Variants in PTPRU observed in about 807,000 individuals in gnomAD.
PTPRU encodes protein tyrosine phosphatase receptor type U.
A neutral mutation model predicts 166.3 loss-of-function variants in PTPRU; 69 were observed. The observed-to-expected ratio is 0.41, with a 90% CI of 0.34 to 0.51. The LOEUF (loss-of-function observed/expected upper bound fraction) is 0.51, where lower values mean the gene tolerates loss of function less well. PTPRU is among the 20% of genes least tolerant of loss of function. The probability of loss-of-function intolerance (pLI) is 0.09; values close to 1 mark genes in which losing one functional copy is unlikely to be tolerated. For synonymous variants in PTPRU, 793 were observed against 814.0 expected, an observed-to-expected ratio of 0.97 and a Z score of 0.44; for missense variants, 1,657 against 2,013.7, an observed-to-expected ratio of 0.82 and a Z score of 3.39.
At position 29,236,750 on chromosome 1, in the gene PTPRU, C is replaced by A; in HGVS notation, c.73+33C>A. ...CGCGGCGGCCGGACCGAGCCTGCCC[C>A]GCCGAGCCTCGGGGCCCGTGGCGTA... On this transcript the variant is annotated intron_variant, in intron 1 of 29. Coordinates refer to ENST00000373779, the MANE Select transcript of PTPRU (RefSeq NM_133178.4). This position sits in a 1 kb window ranked among gnomAD's most constrained non-coding sequence, Gnocchi z 4.6. 1 of 1,394,010 alleles carries A rather than the reference C, an allele frequency of 7.2e-7. No homozygotes were observed. The highest frequency in any genetic ancestry group is 9.3e-7 in the Non-Finnish European group (1 of 1,077,370). The allele number at this position is 1,394,010 out of a possible 1,614,324, so 86.4% of individuals were successfully genotyped here.
At chr1:29,290,559 C>T (rs1238901289) in intron 14 of PTPRU, among the ~76,000 whole-genome samples, 3 of 152,220 alleles carry the variant, frequency 2.0e-5, no homozygotes, top group South Asian at 2.1e-4. Context: ...GCCCAGAGGG[C>T]GCCAGGCCAG....
Position 29,315,229 on chromosome 1 carries a change from C to T in PTPRU, c.3228-143C>T. ...CCATCCAGCAGCCTGCGTCCTGGCT[C>T]CTTACTCGGGGAGGGGCAGTCATCT... On this transcript the variant is annotated intron_variant, in intron 22 of 29. Transcript: ENST00000373779. The surrounding 1 kb of genome is among the most constrained non-coding windows in gnomAD (Gnocchi z 4.5). 2.0e-6 allele frequency: 2 copies of T among 1,018,410 alleles called. No individual in the cohort carries two copies. The allele number at this position is 1,018,410 out of a possible 1,614,324, so 63.1% of individuals were successfully genotyped here. A position where few individuals can be genotyped will look rare whatever the true frequency, so the allele number is the denominator to read the frequency against.
chr1:29,275,642 C>T lies in PTPRU; in HGVS notation c.1339C>T (p.Arg447Cys), dbSNP rs557784273. The change falls in exon 8 of 30, where the codon CGC becomes TGC. Residue 447 changes from arginine to cysteine, a missense_variant. This residue lies in a region of PTPRU where 1,190 missense variants were observed against 1,477.4 expected (regional missense o/e 0.81). Coordinates refer to ENST00000373779, the MANE Select transcript of PTPRU (RefSeq NM_133178.4). ...TGTGAAGACAGAGCAAGGTGTCAGC[C>T]GCTACACCATCAAGAACCTGCTGCC... is the stretch of plus-strand genomic sequence containing the variant. The part of the protein sequence containing the change: ...ECVKTEQGVS[R>C]YTIKNLLPYR... The T allele has an allele frequency of 1.5e-4, 249 of 1,614,140 alleles. 9 individuals carry two copies. The South Asian group carries it at 2.4e-3, about 16-fold the overall frequency.
At chr1:29,318,691 G>A (rs758747498) in intron 25 of PTPRU, among the ~76,000 whole-genome samples, 4 of 152,328 alleles carry the variant, frequency 2.6e-5, no homozygotes, top group South Asian at 2.1e-4. Flanking sequence ...CGATATAGCC[G>A]TGCAACCGCA....
At chr1:29,247,133 C>T (rs1684332856) in intron 1 of PTPRU, among the ~76,000 whole-genome samples, 2 of 152,222 alleles carry the variant, frequency 1.3e-5, no homozygotes, top group South Asian at 2.1e-4. Context: ...GGGCACACAC[C>T]CTTCCCCTGA....
At chr1:29,303,784 C>A in intron 15 of PTPRU, 71 bp from the exon 16 acceptor site, 2 of 1,449,792 alleles carry the variant, frequency 1.4e-6, no homozygotes, top group Non-Finnish European at 1.9e-6. Flanking sequence ...CCCCATAGAC[C>A]CCAGTCTCTC....
intron 5 of PTPRU, 123 bp from the exon 6 acceptor site, chr1:29,259,747 C>G (rs889059300): frequency 4.6e-6 from 6 of 1,311,298 alleles, no homozygotes; most frequent in Non-Finnish European, 6.1e-6. Context: ...CAGGTTAGAG[C>G]GCGGCTCCAG....
chr1:29,324,203 A>G (rs139808133), intron 28 of PTPRU, among the ~76,000 whole-genome samples: 5 of 152,298 alleles, frequency 3.3e-5, no homozygotes, highest in African/African-American at 9.6e-5. Flanking sequence ...TGCCCCATTC[A>G]TAAGTTCATG....
In PTPRU at chr1:29,320,856, C is replaced by A; in HGVS notation, c.3828+31C>A. On this transcript the variant is annotated intron_variant, in intron 26 of 29. Coordinates refer to ENST00000373779, the MANE Select transcript of PTPRU (RefSeq NM_133178.4). The surrounding 1 kb of genome is among the most constrained non-coding windows in gnomAD (Gnocchi z 5.2). ...GCCTCCACTGGCCAGGCCAATGGGCCGCCTGCTCCCAGGTCCTCTGTGTAT... is the reference window on the plus strand; with the variant it reads ...GCCTCCACTGGCCAGGCCAATGGGCAGCCTGCTCCCAGGTCCTCTGTGTAT... The A allele has an allele frequency of 6.6e-7, 1 of 1,519,124 alleles. No homozygotes were observed. Among genetic ancestry groups the A allele is most frequent in the South Asian group, 1.3e-5 (1 of 77,254 alleles). The allele number at this position is 1,519,124 out of a possible 1,614,324, so 94.1% of individuals were successfully genotyped here.
intron 1 of PTPRU, among the ~76,000 whole-genome samples, chr1:29,253,497 G>T (rs1684643550): frequency 1.3e-5 from 2 of 152,014 alleles, no homozygotes; most frequent in African/African-American, 4.8e-5. Flanking sequence ...GTTTCCTGAG[G>T]CCTGTTTCTG....
intron 18 of PTPRU, 49 bp from the exon 19 acceptor site, chr1:29,310,695 T>C: frequency 1.9e-6 from 3 of 1,574,186 alleles, no homozygotes; most frequent in Non-Finnish European, 2.6e-6. Flanking sequence ...TGTGGGGGAG[T>C]GAGGGGCTAC....
At chr1:29,304,994 C>T (rs1687322086) in intron 17 of PTPRU, 145 bp downstream of exon 17, 3 of 674,292 alleles carry the variant, frequency 4.4e-6, no homozygotes, top group Non-Finnish European at 7.6e-6. Context: ...CACGTCACGC[C>T]CTGTGCTTGT....
At position 29,279,891 on chromosome 1, in the gene PTPRU, G is replaced by GC; in HGVS notation, c.1766-146dup. 1.0e-6 allele frequency: 1 copy of GC among 965,222 alleles called. No individual in the cohort carries two copies. The highest frequency in any genetic ancestry group is 1.7e-5 in the South Asian group (1 of 60,118). The allele number at this position is 965,222 out of a possible 1,614,324, so 59.8% of individuals were successfully genotyped here. On this transcript the variant is annotated intron_variant, in intron 10 of 29. Coordinates refer to ENST00000373779, the MANE Select transcript of PTPRU (RefSeq NM_133178.4). This position sits in a 1 kb window ranked among gnomAD's most constrained non-coding sequence, Gnocchi z 5.2. ...TTGGGGCTGGTGCCTGAGGTCAGGG[G>GC]CCAGGGTAGCTCAGGTCATGTCAGC...
chr1:29,325,541 C>G lies in PTPRU; in HGVS notation c.4249-58C>G, dbSNP rs1005416809. The G allele has an allele frequency of 4.5e-6, 7 of 1,558,290 alleles. No individual in the cohort carries two copies. In the East Asian group the frequency reaches 9.0e-5, roughly 20 times the overall value. On this transcript the variant is annotated intron_variant, in intron 29 of 29. Coordinates refer to ENST00000373779, the MANE Select transcript of PTPRU (RefSeq NM_133178.4). ...CCTCTCACTCCCCGTTCCCCTCCCC[C>G]CACAATACTGGAGTTGGGGTCAGGC...
intron 11 of PTPRU, 114 bp from the exon 12 acceptor site, chr1:29,282,562 T>C (rs1686125892): frequency 7.3e-7 from 1 of 1,373,150 alleles, no homozygotes. Flanking sequence ...GAGCAGTGTG[T>C]GGAAGTTAGT....
intron 1 of PTPRU, among the ~76,000 whole-genome samples, chr1:29,250,834 C>T (rs757706164): frequency 1.6e-4 from 25 of 152,224 alleles, no homozygotes; most frequent in Non-Finnish European, 2.9e-4. Context: ...GGGTGGGGCT[C>T]TCCTTAGGGA....
intron 1 of PTPRU, among the ~76,000 whole-genome samples, chr1:29,240,550 T>C (rs1207640005): frequency 1.3e-5 from 2 of 151,692 alleles, no homozygotes; most frequent in Non-Finnish European, 2.9e-5. Context: ...TGGGGGATGG[T>C]GTTATGTTGT....
At chr1:29,274,405 C>T (rs1015194069) in intron 7 of PTPRU, among the ~76,000 whole-genome samples, 5 of 152,200 alleles carry the variant, frequency 3.3e-5, no homozygotes, top group Admixed American at 3.3e-4. Context: ...TACATGTTAA[C>T]TGCCTTTATT....
chr1:29,278,111 G>A lies in PTPRU; in HGVS notation c.1454-901G>A, dbSNP rs114760959. 4.6e-3 allele frequency among the ~76,000 whole-genome samples: 695 copies of A among 152,030 alleles called. 5 individuals carry two copies. Among genetic ancestry groups the A allele is most frequent in the African/African-American group, 0.014 (568 of 41,448 alleles). On this transcript the variant is annotated intron_variant, in intron 8 of 29. Transcript: ENST00000373779. ...GCTGGGATTACATGCGTGAGCCACC[G>A]TGCCCAGCCAGTTGTCCTTCTTAAG...
Sources: gnomAD v4.1 joint callset for allele counts (sites outside exome capture counted in the v4.1 genomes callset) on GRCh38, gnomAD v4.1.1 for gene constraint, gnomAD v4.1.1 regional missense constraint, Gnocchi (gnomAD v3.1) non-coding constraint, MANE v1.5 for transcripts, NCBI Gene and HGNC (gene_info 2026-07-23, HGNC 2026-07-21) for gene names.